DHX40: variants seen among roughly 807,000 people sequenced by gnomAD.
The protein encoded by DHX40 is probable ATP-dependent RNA helicase DHX40.
A neutral mutation model predicts 89.6 loss-of-function variants in DHX40; 28 were observed. The observed-to-expected ratio is 0.31, with a 90% CI of 0.23 to 0.43. The LOEUF (loss-of-function observed/expected upper bound fraction) is 0.43. Ranked by LOEUF, DHX40 falls within the 20% of genes least tolerant of loss-of-function variation. The probability of loss-of-function intolerance (pLI) is 1.00; values close to 1 mark genes in which losing one functional copy is unlikely to be tolerated. For synonymous variants in DHX40, 226 were observed against 283.6 expected, an observed-to-expected ratio of 0.80 and a Z score of 2.04; for missense variants, 457 against 844.0, an observed-to-expected ratio of 0.54 and a Z score of 5.68.
At chr17:59,591,004 C>A (rs1343246551) in intron 12 of DHX40, among the ~76,000 whole-genome samples, 1 of 150,652 alleles carries the variant, frequency 6.6e-6, no homozygotes, top group Admixed American at 6.6e-5. Flanking sequence ...AAGACCCCAT[C>A]TCTGATAAGA....
intron 12 of DHX40, among the ~76,000 whole-genome samples, chr17:59,590,318 C>T (rs2049063507): frequency 6.7e-6 from 1 of 148,566 alleles, no homozygotes; most frequent in African/African-American, 2.5e-5. Flanking sequence ...TGGGTTAGCT[C>T]ACTGGCTTTA....
At chr17:59,570,439 G>A in intron 2 of DHX40, 79 bp from the exon 3 acceptor site, 1 of 1,446,400 alleles carries the variant, frequency 6.9e-7, no homozygotes, top group Non-Finnish European at 9.2e-7. Context: ...GTTTTGTGTT[G>A]ATTGGCCAAA....
In DHX40 at chr17:59,575,242, A is replaced by C. The variant is rs915814288; in HGVS notation, c.842-98A>C. On this transcript the variant is annotated intron_variant, in intron 6 of 17. Coordinates refer to ENST00000251241, the MANE Select transcript of DHX40 (RefSeq NM_024612.5). ...TACATTAAATGAGAGATTTACAATAACTTTTAGGCAAAATTAATTTTAATC... is the reference window on the plus strand; with the variant it reads ...TACATTAAATGAGAGATTTACAATACCTTTTAGGCAAAATTAATTTTAATC... 15 of 964,776 alleles carry C rather than the reference A, an allele frequency of 1.6e-5. No homozygotes were observed. The Admixed American group carries it at 2.0e-4, about 13-fold the overall frequency. 59.8% of individuals were successfully genotyped at this position (964,776 alleles called of 1,614,324 possible).
At chr17:59,571,467 A>G in intron 3 of DHX40, among the ~76,000 whole-genome samples, 1 of 151,916 alleles carries the variant, frequency 6.6e-6, no homozygotes. Flanking sequence ...CAAAAAAAAA[A>G]AAAAAATGTG....
intron 11 of DHX40, 88 bp downstream of exon 11, chr17:59,586,321 A>G: frequency 9.1e-7 from 1 of 1,102,068 alleles, no homozygotes; most frequent in Non-Finnish European, 1.3e-6. Flanking sequence ...AACAGTAGAA[A>G]ATAATTTCTT....
intron 1 of DHX40, among the ~76,000 whole-genome samples, chr17:59,566,091 C>T (rs1415575115): frequency 2.0e-5 from 3 of 152,128 alleles, no homozygotes; most frequent in Non-Finnish European, 4.4e-5. Flanking sequence ...TCCCCCCCAC[C>T]CTTCGTCGGG....
chr17:59,580,972 C>T (rs2048938771), intron 10 of DHX40, among the ~76,000 whole-genome samples: 1 of 150,242 alleles, frequency 6.7e-6, no homozygotes, highest in Non-Finnish European at 1.5e-5. Flanking sequence ...GTCCCAGCTA[C>T]TCCGGAGGCT....
At chr17:59,577,019 G>A (rs1158771669) in intron 7 of DHX40, 4 of 443,346 alleles carry the variant, frequency 9.0e-6, no homozygotes, top group South Asian at 3.9e-5. Flanking sequence ...ACAGGGGCGC[G>A]CCCCCACGCC....
At chr17:59,566,525 C>A in intron 1 of DHX40, 102 bp from the exon 2 acceptor site, 2 of 1,161,134 alleles carry the variant, frequency 1.7e-6, no homozygotes, top group Non-Finnish European at 2.4e-6. Context: ...ATGATCCCGT[C>A]CAGCCCTAAA....
At chr17:59,566,521 C>A in intron 1 of DHX40, 106 bp from the exon 2 acceptor site, 2 of 1,108,428 alleles carry the variant, frequency 1.8e-6, no homozygotes, top group South Asian at 1.7e-5. Context: ...ATGGATGATC[C>A]CGTCCAGCCC....
chr17:59,578,062 A>T (rs2048909669), intron 8 of DHX40, among the ~76,000 whole-genome samples: 1 of 152,130 alleles, frequency 6.6e-6, no homozygotes, highest in Non-Finnish European at 1.5e-5. Context: ...TTTTGGGTAA[A>T]TTTAGTAAGG....
At chr17:59,572,119 C>A (rs563280337) in intron 3 of DHX40, among the ~76,000 whole-genome samples, 2 of 152,258 alleles carry the variant, frequency 1.3e-5, no homozygotes, top group Non-Finnish European at 2.9e-5. Context: ...TTAAAATTTT[C>A]TTTTTAATAG....
chr17:59,581,233 T>A (rs1388933295), intron 10 of DHX40, among the ~76,000 whole-genome samples: 1 of 120,114 alleles, frequency 8.3e-6, no homozygotes, highest in South Asian at 3.2e-4. Flanking sequence ...GAAAACAAGG[T>A]TCAGACACGT....
In DHX40 at chr17:59,577,362, T is replaced by C. The variant is rs752493564; in HGVS notation, c.1070T>C (p.Ile357Thr). Residue 357 changes from isoleucine to threonine, a missense_variant, in exon 8 of 18, where the codon ATC becomes ACC. Ile to Thr is a moderately conservative substitution (Grantham distance 89, BLOSUM62 -1). Transcript: ENST00000251241. Reference protein sequence around the residue: ...ISATSLTIDGIRYVVDGGFVK... With the variant: ...ISATSLTIDGTRYVVDGGFVK... Reference sequence around the variant, plus strand: ...GCAACGTCTTTGACAATAGATGGAATCAGGTAAAACTTTTGAACTTTCTCT... The same window carrying C: ...GCAACGTCTTTGACAATAGATGGAACCAGGTAAAACTTTTGAACTTTCTCT... 41 of 1,613,050 alleles carry C rather than the reference T, an allele frequency of 2.5e-5. No individual in the cohort carries two copies. The highest frequency in any genetic ancestry group is 5.3e-5 in the African/African-American group (4 of 74,892).
At chr17:59,605,917 A>G (rs936400324) in intron 17 of DHX40, 2 of 544,000 alleles carry the variant, frequency 3.7e-6, no homozygotes, top group African/African-American at 3.8e-5. Flanking sequence ...GTGAACTGTG[A>G]TTTCACCAGT....
intron 2 of DHX40, among the ~76,000 whole-genome samples, chr17:59,569,711 C>CGA (rs1567856918): frequency 3.6e-5 from 5 of 140,672 alleles, no homozygotes; most frequent in African/African-American, 1.1e-4. Flanking sequence ...ATATATATAT[C>CGA]TATATATATA....
intron 6 of DHX40, among the ~76,000 whole-genome samples, chr17:59,574,684 A>G (rs1439219309): frequency 6.6e-6 from 1 of 151,558 alleles, no homozygotes; most frequent in Non-Finnish European, 1.5e-5. Context: ...TGTCTTAGAT[A>G]GAAATGTAAC....
intron 14 of DHX40, among the ~76,000 whole-genome samples, chr17:59,600,884 A>G (rs1377342271): frequency 2.8e-5 from 3 of 107,576 alleles, no homozygotes; most frequent in Non-Finnish European, 5.5e-5. Flanking sequence ...TACTGTTTTT[A>G]TGCGTACAGG....
At chr17:59,565,933 G>C in intron 1 of DHX40, 150 bp downstream of exon 1, 1 of 646,438 alleles carries the variant, frequency 1.5e-6, no homozygotes, top group Non-Finnish European at 2.4e-6. Flanking sequence ...CGAACTTTGC[G>C]TCCAATGAGC....
Sources: gnomAD v4.1 joint callset for allele counts (sites outside exome capture counted in the v4.1 genomes callset) on GRCh38, gnomAD v4.1.1 for gene constraint, MANE v1.5 for transcripts, NCBI Gene and HGNC (gene_info 2026-07-23, HGNC 2026-07-21) for gene names.